Variants in IGSF21 observed in about 807,000 individuals in gnomAD.
IGSF21 encodes immunoglobin superfamily member 21.
IGSF21 carries 28 observed loss-of-function variants against 46.8 expected under a neutral mutation model. The observed-to-expected ratio is 0.60, with a 90% CI of 0.44 to 0.82. IGSF21 has a LOEUF of 0.82. Among genes scored for constraint, IGSF21 ranks in the 40% least tolerant of loss-of-function variants. The pLI is 0.00. For missense variants in IGSF21, 624 were observed against 665.5 expected (o/e 0.94, Z 0.69); for synonymous variants, 284 against 273.6 (o/e 1.04, Z -0.38).
chr1:18,198,375 G>GA (rs1232412852), intron 1 of IGSF21, among the ~76,000 whole-genome samples: 1 of 152,172 alleles, frequency 6.6e-6, no homozygotes, highest in Non-Finnish European at 1.5e-5. Flanking sequence ...GACCCACATG[G>GA]GCCCGTAGGG....
chr1:18,223,444 G>A (rs1163912433), intron 1 of IGSF21, among the ~76,000 whole-genome samples: 1 of 152,180 alleles, frequency 6.6e-6, no homozygotes, highest in African/African-American at 2.4e-5. Flanking sequence ...GTTGGCTTTG[G>A]AGCCAGATAG....
At chr1:18,283,880 G>T (rs913826139) in intron 2 of IGSF21, among the ~76,000 whole-genome samples, 1 of 152,018 alleles carries the variant, frequency 6.6e-6, no homozygotes, top group Admixed American at 6.5e-5. Context: ...GCATCCAAAA[G>T]AAAAAATGAT....
At chr1:18,108,259 G>A in intron 1 of IGSF21, 61 bp downstream of exon 1, 1 of 1,310,240 alleles carries the variant, frequency 7.6e-7, no homozygotes, top group Non-Finnish European at 9.7e-7. Flanking sequence ...CGGGGTGCCG[G>A]GGGAGGGCGC....
chr1:18,242,348 C>T (rs753619707), intron 2 of IGSF21, among the ~76,000 whole-genome samples: 2 of 152,200 alleles, frequency 1.3e-5, no homozygotes, highest in Non-Finnish European at 2.9e-5. Context: ...CTAGCAAAAC[C>T]GTCCACGGCT....
intron 4 of IGSF21, among the ~76,000 whole-genome samples, chr1:18,353,786 A>G (rs1424600693): frequency 6.6e-6 from 1 of 152,222 alleles, no homozygotes; most frequent in African/African-American, 2.4e-5. Context: ...AAAATGTCTC[A>G]GTGTGTTTGG....
chr1:18,305,149 T>C (rs1240269357), intron 3 of IGSF21, among the ~76,000 whole-genome samples: 2 of 151,792 alleles, frequency 1.3e-5, no homozygotes, highest in Non-Finnish European at 2.9e-5. Flanking sequence ...TTGCCTGAGG[T>C]CACAGTAAGC....
Position 18,305,488 on chromosome 1 carries a change from T to TGATGGATGGATGATG in IGSF21, c.305+13513_305+13514insATGGATGGATGGATG, listed in dbSNP as rs2085413369. ...GATGACAGATGGATGGATGGATGGA[T>TGATGGATGGATGATG]GATGGATGGATGGATGGATGGATGA... On this transcript the variant is annotated intron_variant, in intron 3 of 9. Transcript: ENST00000251296. Among the ~76,000 whole-genome samples, 11 of 50,420 alleles carry TGATGGATGGATGATG rather than the reference T, an allele frequency of 2.2e-4. No individual in the cohort carries two copies. In the East Asian group the frequency reaches 0.025, roughly 116 times the overall value. 33.1% of individuals were successfully genotyped at this position (50,420 alleles called of 152,430 possible).
At chr1:18,202,653 C>A (rs924817248) in intron 1 of IGSF21, among the ~76,000 whole-genome samples, 2 of 152,184 alleles carry the variant, frequency 1.3e-5, no homozygotes, top group South Asian at 4.1e-4. Context: ...AACTCACTCA[C>A]TATCATGAGA....
chr1:18,148,281 C>A (rs562109681), intron 1 of IGSF21, among the ~76,000 whole-genome samples: 3 of 152,104 alleles, frequency 2.0e-5, no homozygotes, highest in African/African-American at 7.2e-5. Context: ...CAGGCGCCCA[C>A]CACCATGCCC....
intron 3 of IGSF21, among the ~76,000 whole-genome samples, chr1:18,307,654 C>T (rs1259058010): frequency 1.3e-5 from 2 of 152,222 alleles, no homozygotes; most frequent in Non-Finnish European, 1.5e-5. Flanking sequence ...AAAGGGGATG[C>T]GCAATCCCCA....
At chr1:18,195,429 G>C (rs2086997535) in intron 1 of IGSF21, among the ~76,000 whole-genome samples, 1 of 152,180 alleles carries the variant, frequency 6.6e-6, no homozygotes, top group Admixed American at 6.5e-5. Context: ...GATCAGAACA[G>C]GCTTGGAGGG....
chr1:18,151,457 A>G (rs754272351), intron 1 of IGSF21, among the ~76,000 whole-genome samples: 40 of 152,296 alleles, frequency 2.6e-4, no homozygotes, highest in Non-Finnish European at 4.7e-4. Flanking sequence ...GAAAGATCAC[A>G]TGGAGGCTCT....
chr1:18,246,010 T>C (rs781187468), intron 2 of IGSF21, among the ~76,000 whole-genome samples: 4 of 152,330 alleles, frequency 2.6e-5, no homozygotes, highest in Admixed American at 2.0e-4. Flanking sequence ...TGAAGATAGA[T>C]GCCCTTACCC....
intron 3 of IGSF21, among the ~76,000 whole-genome samples, chr1:18,306,575 C>A (rs1413159872): frequency 6.6e-6 from 1 of 152,204 alleles, no homozygotes; most frequent in Admixed American, 6.5e-5. Context: ...CTCTGTCCCC[C>A]TAGCTTTCAG....
At chr1:18,320,969 G>A (rs887291454) in intron 3 of IGSF21, among the ~76,000 whole-genome samples, 19 of 152,324 alleles carry the variant, frequency 1.2e-4, no homozygotes, top group Non-Finnish European at 7.3e-5. Context: ...ACATCCACGC[G>A]GGTAGGCCAA....
At chr1:18,310,442 T>C (rs2085477926) in intron 3 of IGSF21, among the ~76,000 whole-genome samples, 1 of 152,272 alleles carries the variant, frequency 6.6e-6, no homozygotes, top group South Asian at 2.1e-4. Flanking sequence ...TTCTTTTTCA[T>C]TACTACGTAG....
intron 1 of IGSF21, among the ~76,000 whole-genome samples, chr1:18,139,779 C>T (rs1472887729): frequency 1.3e-5 from 2 of 152,150 alleles, no homozygotes; most frequent in East Asian, 1.9e-4. Context: ...TCTCTCCACC[C>T]GCCAAAGTCT....
chr1:18,193,126 A>G (rs2086973494), intron 1 of IGSF21, among the ~76,000 whole-genome samples: 1 of 152,016 alleles, frequency 6.6e-6, no homozygotes, highest in Non-Finnish European at 1.5e-5. Context: ...GGGGCTTTTG[A>G]GGAAGGGCAT....
intron 1 of IGSF21, among the ~76,000 whole-genome samples, chr1:18,220,362 C>T (rs2084497756): frequency 6.6e-6 from 1 of 152,022 alleles, no homozygotes; most frequent in Non-Finnish European, 1.5e-5. Context: ...CAGATGTGGT[C>T]AGAGAAGCAG....
Sources: allele counts gnomAD v4.1 joint callset (sites outside exome capture counted in the v4.1 genomes callset), GRCh38; gene constraint gnomAD v4.1.1; transcripts MANE v1.5; gene names NCBI Gene and HGNC (gene_info 2026-07-23, HGNC 2026-07-21).